The following AGBL5 variants were observed in gnomAD, a reference collection of about 807,000 sequenced individuals.
AGBL5 encodes AGBL carboxypeptidase 5, also known as cytosolic carboxypeptidase-like protein 5.
Under a neutral mutation model 88.0 loss-of-function variants are expected in AGBL5, and 51 were observed. The ratio of observed to expected loss-of-function variants is 0.58; its 90% CI spans 0.46 to 0.73. The LOEUF (loss-of-function observed/expected upper bound fraction) is 0.73. AGBL5 is among the 30% of genes least tolerant of loss of function. The pLI is 0.00. For missense variants in AGBL5, 1,031 were observed against 1,162.2 expected, an observed-to-expected ratio of 0.89 and a Z score of 1.64; for synonymous variants, 446 against 438.8, an observed-to-expected ratio of 1.02 and a Z score of -0.21.
chr2:27,051,028 G>C (rs1255090057), upstream of AGBL5: 1 of 152,278 alleles, frequency 6.6e-6, no homozygotes, highest in African/African-American at 2.4e-5. Context: ...CAATGTACAT[G>C]TGGTAACGTG....
rs753684001 is a variant in AGBL5 at position 27,056,640 on chromosome 2, T to G, written c.1383T>G (p.Tyr461Ter). The G allele has an allele frequency of 6.2e-7, 1 of 1,610,280 alleles. No homozygotes were observed. The highest frequency in any genetic ancestry group is 1.3e-5 in the African/African-American group (1 of 74,912). ...CCAAACAGGTGGAAAACATGCTATATCCAAAGCTCATCTCCTTGAATTCAG... is the reference window on the plus strand; with the variant it reads ...CCAAACAGGTGGAAAACATGCTATAGCCAAAGCTCATCTCCTTGAATTCAG... ...DESTQVENML[Y>*]PKLISLNSAH... The change falls in exon 8 of 15, where the codon TAT becomes TAG. Residue 461 changes from tyrosine to a stop codon, truncating the protein, a stop_gained. Coordinates refer to ENST00000360131, the MANE Select transcript of AGBL5 (RefSeq NM_021831.6). LOFTEE classifies it high-confidence loss of function.
At chr2:27,062,558 T>A (rs1668765252) in intron 11 of AGBL5, 1 of 152,188 alleles carries the variant, frequency 6.6e-6, no homozygotes, top group Non-Finnish European at 1.5e-5. Context: ...ATAGAAAATA[T>A]GCACAGTCAG....
At chr2:27,056,871 T>C (rs989094352) in intron 8 of AGBL5, 79 bp downstream of exon 8, 9 of 1,433,142 alleles carry the variant, frequency 6.3e-6, no homozygotes, top group Admixed American at 4.2e-5. Flanking sequence ...TGGTGCATGC[T>C]TGTAATCCCA....
chr2:27,068,777 T>C (rs774850522), intron 13 of AGBL5, 33 bp downstream of exon 13: 3 of 1,611,654 alleles, frequency 1.9e-6, no homozygotes, highest in African/African-American at 2.7e-5. Flanking sequence ...ATAGCTACTC[T>C]GGCAGAACCC....
rs77543215 is a variant in AGBL5 at position 27,068,651 on chromosome 2, G to A, written c.2262G>A (p.Leu754=). ...CCCTAGGGAGCAGTTGCTCACTCTTGTCCTCTGGAGACAAACCAGAGGCTG... is the reference window on the plus strand; with the variant it reads ...CCCTAGGGAGCAGTTGCTCACTCTTATCCTCTGGAGACAAACCAGAGGCTG... ...FNIPGSSCSL[L]SSGDKPEAVM... The change falls in exon 13 of 15, where the codon TTG becomes TTA. Residue 754 remains leucine (L), a synonymous_variant. Transcript: ENST00000360131. 167 of 1,614,002 alleles carry A rather than the reference G, an allele frequency of 1.0e-4. 1 individual carries two copies. The East Asian group carries it at 3.7e-3, about 36-fold the overall frequency.
chr2:27,067,611 GCTC>G lies in AGBL5; in HGVS notation c.2210_2212del (p.Ser737del), dbSNP rs778210164. 23 of 1,613,884 alleles carry G rather than the reference GCTC, an allele frequency of 1.4e-5. No individual in the cohort carries two copies. Among genetic ancestry groups the G allele is most frequent in the Middle Eastern group, 3.3e-4 (2 of 6,084 alleles). On this transcript the variant is annotated inframe_deletion, in exon 12 of 15. Coordinates refer to ENST00000360131, the MANE Select transcript of AGBL5 (RefSeq NM_021831.6). ...GGCCCAGCCTCCTCACACAAGCTGG[GCTC>G]CTGTCTACTGCCTGATTCATTCAAC...
intron 11 of AGBL5, chr2:27,061,644 AG>A (rs1482255262): frequency 6.6e-6 from 1 of 152,236 alleles, no homozygotes; most frequent in Non-Finnish European, 1.5e-5. Context: ...CTAGGATTAC[AG>A]GCGTGAGCCA....
intron 4 of AGBL5, 46 bp from the exon 5 acceptor site, chr2:27,054,584 T>C: frequency 1.3e-6 from 2 of 1,577,062 alleles, no homozygotes; most frequent in Non-Finnish European, 8.6e-7. Context: ...TACCTCTTAC[T>C]AGGACTTTAG....
Position 27,070,293 on chromosome 2 carries a change from A to G in AGBL5, c.*30A>G, listed in dbSNP as rs769660132. 3 of 1,607,434 alleles carry G rather than the reference A, an allele frequency of 1.9e-6. No homozygotes were observed. The highest frequency in any genetic ancestry group is 2.6e-6 in the Non-Finnish European group (3 of 1,173,994). On this transcript the variant is annotated 3_prime_UTR_variant, in exon 15 of 15. Transcript: ENST00000360131. ...GCCTTTATGTTCAAGCCCAGGATAT[A>G]GCCCCAAGATGGGGTAACAGTGGGA...
In AGBL5 at chr2:27,053,066, A is replaced by C; in HGVS notation, c.108A>C (p.Gly36=). ...ESLSSDGEGV[G]GGASALTSGI... The stretch of plus-strand genomic sequence containing the variant: ...TGTCCAGTGATGGGGAAGGGGTAGG[A>C]GGTGGGGCGTCAGCCCTGACCAGTG... The change falls in exon 2 of 15, where the codon GGA becomes GGC. Residue 36 remains glycine (G), a synonymous_variant. Coordinates refer to ENST00000360131, the MANE Select transcript of AGBL5 (RefSeq NM_021831.6). The surrounding 1 kb of genome is among the most constrained non-coding windows in gnomAD (Gnocchi z 4.9). 6.2e-7 allele frequency: 1 copy of C among 1,613,836 alleles called. No homozygotes were observed. Among genetic ancestry groups the C allele is most frequent in the Non-Finnish European group, 8.5e-7 (1 of 1,179,898 alleles).
chr2:27,051,236 A>C, upstream of AGBL5, among the ~76,000 whole-genome samples: 1 of 152,326 alleles, frequency 6.6e-6, no homozygotes, highest in East Asian at 1.9e-4. Context: ...CAAATGGTAG[A>C]GCGCTCGCTT....
intron 1 of AGBL5, 81 bp downstream of exon 1, chr2:27,051,874 TGAGCCCGAGCCCCTC>T (rs1572808867): frequency 7.1e-6 from 1 of 139,954 alleles, no homozygotes; most frequent in African/African-American, 2.7e-5. Context: ...CTCAGCCCCT[TGAGCCCGAGCCCCTC>T]GAAGGCCACC....
At chr2:27,063,180 G>A (rs1668801310) in intron 11 of AGBL5, among the ~76,000 whole-genome samples, 6 of 152,248 alleles carry the variant, frequency 3.9e-5, no homozygotes, top group Admixed American at 2.6e-4. Context: ...AAAGCTTCAG[G>A]AAGTGTCTCC....
intron 9 of AGBL5, 51 bp from the exon 10 acceptor site, chr2:27,058,349 C>T: frequency 6.2e-7 from 1 of 1,604,076 alleles, no homozygotes; most frequent in South Asian, 1.1e-5. Flanking sequence ...CCCAAGGTAG[C>T]AGCCTGGATG....
chr2:27,067,697 C>CAGGCCAGGTTCTTTAAGCCTAGTTGGG (rs528684534), intron 12 of AGBL5, 51 bp downstream of exon 12: 32,632 of 1,603,930 alleles, frequency 0.02, 610 homozygotes, highest in South Asian at 0.036. Context: ...CCTCCATGGC[C>CAGGCCAGGTTCTTTAAGCCTAGTTGGG]AGGCCAGGTT....
chr2:27,067,948 C>T, intron 12 of AGBL5: 1 of 438,398 alleles, frequency 2.3e-6, no homozygotes, highest in South Asian at 2.1e-5. Context: ...TATGCAAATT[C>T]CCTGACTCCA....
intron 11 of AGBL5, chr2:27,061,007 T>A (rs1668691218): frequency 6.6e-6 from 1 of 152,200 alleles, no homozygotes; most frequent in Non-Finnish European, 1.5e-5. Flanking sequence ...CTTCTCATGC[T>A]CCAGTGGCCT....
chr2:27,064,578 C>T (rs1021173762), intron 11 of AGBL5, among the ~76,000 whole-genome samples: 36 of 151,980 alleles, frequency 2.4e-4, no homozygotes, highest in Admixed American at 1.2e-3. Flanking sequence ...CATGAGCCAC[C>T]GTGCCTGGCG....
rs768488024 is a variant in AGBL5 at position 27,070,270 on chromosome 2, C to T, written c.*7C>T. 5.6e-6 allele frequency: 9 copies of T among 1,613,820 alleles called. No individual in the cohort carries two copies. The East Asian group carries it at 1.3e-4, about 24-fold the overall frequency. The stretch of plus-strand genomic sequence containing the variant: ...TGTTTCTCCCCGGGTCTGATAATGC[C>T]TTTATGTTCAAGCCCAGGATATAGC... On this transcript the variant is annotated 3_prime_UTR_variant, in exon 15 of 15. Transcript: ENST00000360131.
Sources: gnomAD v4.1 joint callset for allele counts (sites outside exome capture counted in the v4.1 genomes callset) on GRCh38, gnomAD v4.1.1 for gene constraint, Gnocchi (gnomAD v3.1) non-coding constraint, MANE v1.5 for transcripts, NCBI Gene and HGNC (gene_info 2026-07-23, HGNC 2026-07-21) for gene names.